The following MAPRE2 variants were observed in gnomAD, a reference collection of about 807,000 sequenced individuals.
The protein encoded by MAPRE2 is microtubule-associated protein RP/EB family member 2.
MAPRE2 carries 13 observed loss-of-function variants against 43.2 expected under a neutral mutation model. The observed-to-expected ratio is 0.30, with a 90% CI of 0.20 to 0.48. The LOEUF is 0.48. Among genes scored for constraint, MAPRE2 ranks in the 20% least tolerant of loss-of-function variants. The probability of loss-of-function intolerance (pLI) is 0.99; values close to 1 mark genes in which losing one functional copy is unlikely to be tolerated. For synonymous variants in MAPRE2, 135 were observed against 148.8 expected (o/e 0.91, Z 0.68); for missense variants, 161 against 400.2 (o/e 0.40, Z 5.10).
intron 1 of MAPRE2, among the ~76,000 whole-genome samples, chr18:35,045,817 C>G (rs903446731): frequency 6.6e-6 from 1 of 152,110 alleles, no homozygotes; most frequent in East Asian, 1.9e-4. Flanking sequence ...AGGAGGTTTT[C>G]CAAAAATAAA....
At chr18:34,985,726 A>G (rs1039785617) in intron 1 of MAPRE2, among the ~76,000 whole-genome samples, 1 of 129,854 alleles carries the variant, frequency 7.7e-6, no homozygotes, top group Non-Finnish European at 1.6e-5. Context: ...TATAATATGT[A>G]ATATATAAAT....
intron 1 of MAPRE2, among the ~76,000 whole-genome samples, chr18:34,994,289 A>G (rs189535942): frequency 5.4e-4 from 82 of 152,334 alleles, no homozygotes; most frequent in African/African-American, 1.9e-3. Flanking sequence ...TGATAGCTAC[A>G]AAACACGTAA....
chr18:34,998,257 G>T (rs1383012252), intron 1 of MAPRE2, among the ~76,000 whole-genome samples: 3 of 151,922 alleles, frequency 2.0e-5, no homozygotes, highest in Non-Finnish European at 4.4e-5. Flanking sequence ...ACTTATGGAC[G>T]GAGGCTATGC....
At chr18:35,022,400 CATAA>C (rs2097042463) in intron 2 of MAPRE2, among the ~76,000 whole-genome samples, 1 of 151,306 alleles carries the variant, frequency 6.6e-6, no homozygotes, top group Non-Finnish European at 1.5e-5. Context: ...TATTTTTTAT[CATAA>C]GATAACGGTA....
intron 1 of MAPRE2, among the ~76,000 whole-genome samples, chr18:35,061,754 T>A (rs1906541473): frequency 6.6e-6 from 1 of 152,236 alleles, no homozygotes; most frequent in Non-Finnish European, 1.5e-5. Context: ...CAGGAGATTT[T>A]ATCCTGTCAA....
intron 2 of MAPRE2, among the ~76,000 whole-genome samples, chr18:35,077,024 C>T (rs514400): frequency 0.095 from 14,478 of 152,016 alleles, 796 homozygotes; most frequent in South Asian, 0.15. Context: ...GAAAAACAGG[C>T]TTAGGGAAAA....
At position 35,118,331 on chromosome 18, in the gene MAPRE2, T is replaced by C. The variant is rs1909503449; in HGVS notation, c.611-8617T>C. Reference sequence around the variant, plus strand: ...TGGATTGGGAGGGAAACCGGCTGACTCAGCTCTTGTTACTGCCCGTTTTCT... The same window carrying C: ...TGGATTGGGAGGGAAACCGGCTGACCCAGCTCTTGTTACTGCCCGTTTTCT... On this transcript the variant is annotated intron_variant, in intron 4 of 6. Coordinates refer to ENST00000300249, the MANE Select transcript of MAPRE2 (RefSeq NM_014268.4). Among the ~76,000 whole-genome samples, 10 of 152,172 alleles carry C rather than the reference T, an allele frequency of 6.6e-5. No individual in the cohort carries two copies. In the South Asian group the frequency reaches 2.1e-3, roughly 32 times the overall value.
intron 4 of MAPRE2, among the ~76,000 whole-genome samples, chr18:35,112,301 A>T (rs1246750949): frequency 6.6e-6 from 1 of 151,424 alleles, no homozygotes; most frequent in Non-Finnish European, 1.5e-5. Context: ...CCTCCCGAGT[A>T]GCTGGGATTA....
At chr18:35,111,611 TACTC>T (rs1457933509) in intron 4 of MAPRE2, among the ~76,000 whole-genome samples, 3 of 152,194 alleles carry the variant, frequency 2.0e-5, no homozygotes, top group Non-Finnish European at 2.9e-5. Context: ...AAGGGAAAAA[TACTC>T]AGGAAGTTAA....
chr18:35,137,305 C>G (rs1291648719), intron 6 of MAPRE2, among the ~76,000 whole-genome samples: 1 of 152,170 alleles, frequency 6.6e-6, no homozygotes, highest in African/African-American at 2.4e-5. Flanking sequence ...AAGCAGCTGC[C>G]CTGGGCATCT....
At chr18:35,115,284 C>T (rs1250715071) in intron 4 of MAPRE2, among the ~76,000 whole-genome samples, 4 of 152,202 alleles carry the variant, frequency 2.6e-5, no homozygotes, top group Non-Finnish European at 5.9e-5. Context: ...GCTCTCCAGT[C>T]ATTTCCATCA....
intron 1 of MAPRE2, among the ~76,000 whole-genome samples, chr18:34,985,806 T>C (rs148169037): frequency 2.2e-5 from 3 of 135,790 alleles, no homozygotes; most frequent in Non-Finnish European, 4.9e-5. Context: ...TAATCCTTAA[T>C]AAGCTGTCTC....
intron 2 of MAPRE2, among the ~76,000 whole-genome samples, chr18:35,071,252 AC>A (rs1414462412): frequency 2.5e-4 from 38 of 152,060 alleles, no homozygotes; most frequent in Admixed American, 2.5e-3. Flanking sequence ...GTGGTGACTT[AC>A]GCCTGTAATC....
At chr18:35,094,826 C>A (rs1365040042) in intron 2 of MAPRE2, among the ~76,000 whole-genome samples, 2 of 151,414 alleles carry the variant, frequency 1.3e-5, no homozygotes, top group Non-Finnish European at 2.9e-5. Flanking sequence ...ACTCTGCCAC[C>A]ACAACTAAAC....
At chr18:34,998,594 TG>T (rs2097027725) in intron 1 of MAPRE2, among the ~76,000 whole-genome samples, 1 of 151,878 alleles carries the variant, frequency 6.6e-6, no homozygotes, top group Non-Finnish European at 1.5e-5. Flanking sequence ...CCCAAAGTGC[TG>T]GGATTACAGG....
intron 2 of MAPRE2, among the ~76,000 whole-genome samples, chr18:35,018,240 T>C (rs1465520022): frequency 6.6e-6 from 1 of 152,048 alleles, no homozygotes; most frequent in Non-Finnish European, 1.5e-5. Flanking sequence ...TTTGCATCTA[T>C]GTTTGTTAGG....
intron 6 of MAPRE2, among the ~76,000 whole-genome samples, chr18:35,139,945 A>C (rs1294946760): frequency 6.6e-6 from 1 of 152,210 alleles, no homozygotes; most frequent in Non-Finnish European, 1.5e-5. Context: ...CATGGTTGTC[A>C]TGATGCTCTT....
chr18:35,032,160 A>C (rs1222721847), intron 2 of MAPRE2, among the ~76,000 whole-genome samples: 1 of 152,168 alleles, frequency 6.6e-6, no homozygotes, highest in Non-Finnish European at 1.5e-5. Context: ...AAAATATCTT[A>C]AAATATACAC....
chr18:35,055,681 G>A (rs993524073), intron 1 of MAPRE2, among the ~76,000 whole-genome samples: 1 of 152,080 alleles, frequency 6.6e-6, no homozygotes, highest in Non-Finnish European at 1.5e-5. Context: ...GGCCAGATGT[G>A]GTGGCTCACG....
Sources: allele counts gnomAD v4.1 joint callset (sites outside exome capture counted in the v4.1 genomes callset), GRCh38; gene constraint gnomAD v4.1.1; transcripts MANE v1.5; gene names NCBI Gene and HGNC (gene_info 2026-07-23, HGNC 2026-07-21).